TMEM87A: variants seen among roughly 807,000 people sequenced by gnomAD.
TMEM87A encodes the protein Golgi-pH regulating cation channel.
A neutral mutation model predicts 90.0 loss-of-function variants in TMEM87A; 50 were observed. The ratio of observed to expected loss-of-function variants is 0.56; its 90% CI spans 0.44 to 0.70. TMEM87A has a LOEUF of 0.70. Among genes scored for constraint, TMEM87A ranks in the 30% least tolerant of loss-of-function variants. TMEM87A has a pLI of 0.00. For missense variants in TMEM87A, 577 were observed against 660.5 expected, an observed-to-expected ratio of 0.87 and a Z score of 1.39; for synonymous variants, 226 against 226.7, an observed-to-expected ratio of 1.00 and a Z score of 0.03.
intron 2 of TMEM87A, chr15:42,271,565 C>T (rs1211581712): frequency 6.6e-6 from 1 of 152,162 alleles, no homozygotes; most frequent in African/African-American, 2.4e-5. Flanking sequence ...CATTGTGTTA[C>T]AACCACCTAT....
intron 6 of TMEM87A, among the ~76,000 whole-genome samples, chr15:42,250,989 T>G (rs1455995912): frequency 6.6e-6 from 1 of 152,218 alleles, no homozygotes; most frequent in African/African-American, 2.4e-5. Context: ...TTCATTCATT[T>G]GATTTTCAAT....
In TMEM87A at chr15:42,236,403, G is replaced by A. The variant is rs774899799; in HGVS notation, c.885C>T (p.Ile295=). Residue 295 remains isoleucine (I), a synonymous_variant, in exon 10 of 20, where the codon ATC becomes ATT. Transcript: ENST00000389834. The part of the protein sequence containing the change: ...YKGESVQGAL[I]LAELLSAVKR... ...TCACTGCTGAAAGCAGCTCTGCAAG[G>A]ATCAAAGCACCCTGGACTATGAAAA... The A allele has an allele frequency of 1.4e-5, 23 of 1,613,932 alleles. No individual in the cohort carries two copies. In the Admixed American group the frequency reaches 3.7e-4, roughly 26 times the overall value.
chr15:42,212,934 A>C (rs1275214800), intron 19 of TMEM87A, among the ~76,000 whole-genome samples: 1 of 152,192 alleles, frequency 6.6e-6, no homozygotes, highest in African/African-American at 2.4e-5. Flanking sequence ...CAGAATAGGA[A>C]GCCCTGGACA....
intron 8 of TMEM87A, among the ~76,000 whole-genome samples, chr15:42,238,042 T>C (rs1292768713): frequency 6.6e-6 from 1 of 151,412 alleles, no homozygotes; most frequent in African/African-American, 2.4e-5. Context: ...TGTGTATGTA[T>C]GTATCACATA....
chr15:42,247,975 G>C (rs2051010252), intron 6 of TMEM87A, among the ~76,000 whole-genome samples: 1 of 152,140 alleles, frequency 6.6e-6, no homozygotes, highest in South Asian at 2.1e-4. Context: ...GCAGTGGTTT[G>C]TAGTTCTCCT....
chr15:42,214,226 T>C (rs935682009), intron 19 of TMEM87A, among the ~76,000 whole-genome samples: 10 of 152,140 alleles, frequency 6.6e-5, no homozygotes, highest in Admixed American at 6.5e-4. Flanking sequence ...GCTTCTTTAG[T>C]TGAGTCCTAC....
At position 42,237,730 on chromosome 15, in the gene TMEM87A, G is replaced by A. The variant is rs562470384; in HGVS notation, c.685-115C>T. On this transcript the variant is annotated intron_variant, in intron 8 of 19. Coordinates refer to ENST00000389834, the MANE Select transcript of TMEM87A (RefSeq NM_015497.5). ...TTTTTAAGAGATGGGGATTTGCTAT[G>A]TTGCCTAGGATGGTCTTGAACTTCT... 6.1e-4 allele frequency: 552 copies of A among 907,102 alleles called. 5 individuals are homozygous for A. In the South Asian group the frequency reaches 0.012, roughly 20 times the overall value. The allele number at this position is 907,102 out of a possible 1,614,324, so 56.2% of individuals were successfully genotyped here.
intron 7 of TMEM87A, among the ~76,000 whole-genome samples, chr15:42,240,038 C>T (rs988218278): frequency 8.5e-5 from 13 of 152,208 alleles, no homozygotes; most frequent in Non-Finnish European, 5.9e-5. Context: ...ACACAGCCTT[C>T]TCTGGCTGCC....
chr15:42,268,785 G>A (rs189821654), intron 2 of TMEM87A, among the ~76,000 whole-genome samples: 120 of 152,282 alleles, frequency 7.9e-4, no homozygotes, highest in Admixed American at 3.1e-3. Flanking sequence ...CCCTTCAAAA[G>A]GCTAGTTGAA....
chr15:42,273,393 C>A lies in TMEM87A; in HGVS notation c.6G>T (p.Ala2=). The A allele has an allele frequency of 6.2e-7, 1 of 1,614,056 alleles. No individual in the cohort carries two copies. Among genetic ancestry groups the A allele is most frequent in the Non-Finnish European group, 8.5e-7 (1 of 1,180,028 alleles). Residue 2 remains alanine (A), a synonymous_variant, in exon 1 of 20, where the codon GCG becomes GCT. Transcript: ENST00000389834. M[A]AAAWLQVLPV... ...GCAACACCTGAAGCCACGCAGCCGC[C>A]GCCATCTTCACAGCCGTGGAGTGCC...
rs775473284 is a variant in TMEM87A, at chr15:42,244,187, T to C, written c.505-20A>G. The C allele has an allele frequency of 1.4e-6, 2 of 1,467,294 alleles. No individual in the cohort carries two copies. Among genetic ancestry groups the C allele is most frequent in the Non-Finnish European group, 1.8e-6 (2 of 1,087,550 alleles). 90.9% of individuals were successfully genotyped at this position (1,467,294 alleles called of 1,614,324 possible). Reference sequence around the variant, plus strand: ...CATTGCCTAGAAAGGGAAAAGGGCATCACATCTATAAATCTTAAGAATTAA... The same window carrying C: ...CATTGCCTAGAAAGGGAAAAGGGCACCACATCTATAAATCTTAAGAATTAA... On this transcript the variant is annotated intron_variant, in intron 6 of 19. Transcript: ENST00000389834.
rs1293147364 is a variant in TMEM87A at position 42,243,264 on chromosome 15, T to G, written c.622+786A>C. The stretch of plus-strand genomic sequence containing the variant: ...GCCTGGGCGACAGAGTGAGATTCCA[T>G]CTCAAAAATAAATAAATAAATAAAT... On this transcript the variant is annotated intron_variant, in intron 7 of 19. Coordinates refer to ENST00000389834, the MANE Select transcript of TMEM87A (RefSeq NM_015497.5). Among the ~76,000 whole-genome samples, 4 of 139,662 alleles carry G rather than the reference T, an allele frequency of 2.9e-5. No homozygotes were observed. In the South Asian group the frequency reaches 9.1e-4, roughly 32 times the overall value. 91.6% of individuals were successfully genotyped at this position (139,662 alleles called of 152,430 possible). A position where few individuals can be genotyped will look rare whatever the true frequency, so the allele number is the denominator to read the frequency against.
intron 6 of TMEM87A, among the ~76,000 whole-genome samples, chr15:42,250,797 G>T (rs1424793761): frequency 6.6e-6 from 1 of 152,074 alleles, no homozygotes; most frequent in African/African-American, 2.4e-5. Context: ...CTTGCTAGGT[G>T]GGGGAAGTTC....
In TMEM87A at chr15:42,261,036, CA is replaced by C. The variant is rs749785494; in HGVS notation, c.460-35del. On this transcript the variant is annotated intron_variant, in intron 5 of 19. Transcript: ENST00000389834. ...ATTAAAAAAATAATAATAATTAATT[CA>C]GAACTTCTTGTTTTTAGCTGCCCAA... 8.2e-6 allele frequency: 13 copies of C among 1,581,600 alleles called. No homozygotes were observed. In the Admixed American group the frequency reaches 2.3e-4, roughly 28 times the overall value.
At chr15:42,264,056 A>C in intron 4 of TMEM87A, 34 bp downstream of exon 4, 1 of 1,536,290 alleles carries the variant, frequency 6.5e-7, no homozygotes, top group Non-Finnish European at 8.9e-7. Flanking sequence ...ATTTTTGCCT[A>C]TTCTATTTAT....
chr15:42,228,892 T>C, intron 12 of TMEM87A, 72 bp from the exon 13 acceptor site: 1 of 1,149,716 alleles, frequency 8.7e-7, no homozygotes, highest in Non-Finnish European at 1.2e-6. Context: ...CAGGTTTCTT[T>C]AAGGATCTGG....
At chr15:42,227,222 GT>G (rs1395127088) in intron 14 of TMEM87A, among the ~76,000 whole-genome samples, 2 of 152,238 alleles carry the variant, frequency 1.3e-5, no homozygotes, top group Admixed American at 1.3e-4. Flanking sequence ...CTTATACAGT[GT>G]AAGAGAAAGT....
chr15:42,272,178 T>G (rs1566945147), intron 1 of TMEM87A, 55 bp from the exon 2 acceptor site: 13 of 1,256,602 alleles, frequency 1.0e-5, no homozygotes, highest in Non-Finnish European at 5.7e-6. Context: ...TACCAAAGCA[T>G]CATATAACTA....
At chr15:42,232,618 C>T (rs553894605) in intron 11 of TMEM87A, among the ~76,000 whole-genome samples, 14 of 152,084 alleles carry the variant, frequency 9.2e-5, no homozygotes, top group African/African-American at 3.4e-4. Flanking sequence ...GGACTACAGG[C>T]GCCTGCCACC....
Sources: allele counts gnomAD v4.1 joint callset (sites outside exome capture counted in the v4.1 genomes callset), GRCh38; gene constraint gnomAD v4.1.1; transcripts MANE v1.5; gene names NCBI Gene and HGNC (gene_info 2026-07-23, HGNC 2026-07-21).